Variants in LRRC69 observed in about 807,000 individuals in gnomAD.
LRRC69 encodes the protein leucine rich repeat containing 69.
Under a neutral mutation model 37.8 loss-of-function variants are expected in LRRC69, and 42 were observed. The ratio of observed to expected loss-of-function variants is 1.11; its 90% CI spans 0.87 to 1.44. The LOEUF (loss-of-function observed/expected upper bound fraction) is 1.44. Among genes scored for constraint, LRRC69 ranks in the 40% most tolerant of loss-of-function variants. The probability of loss-of-function intolerance (pLI) is 0.00; values close to 1 mark genes in which losing one functional copy is unlikely to be tolerated. For synonymous variants in LRRC69, 141 were observed against 143.1 expected (o/e 0.99, Z 0.11); for missense variants, 357 against 401.9 (o/e 0.89, Z 0.96).
chr8:91,210,376 A>T (rs1809886460), intron 7 of LRRC69, among the ~76,000 whole-genome samples: 1 of 152,192 alleles, frequency 6.6e-6, no homozygotes, highest in Non-Finnish European at 1.5e-5. Flanking sequence ...AAATAAATTT[A>T]TTGATTGATG....
chr8:91,208,058 A>T (rs1354894639), intron 7 of LRRC69, among the ~76,000 whole-genome samples: 1 of 152,122 alleles, frequency 6.6e-6, no homozygotes, highest in African/African-American at 2.4e-5. Flanking sequence ...TCCTCTTCTC[A>T]TAAGGATGTC....
At chr8:91,208,597 T>C (rs958699247) in intron 7 of LRRC69, among the ~76,000 whole-genome samples, 12 of 152,214 alleles carry the variant, frequency 7.9e-5, no homozygotes, top group African/African-American at 2.9e-4. Context: ...TACTGGAAAG[T>C]TTACCTAGTT....
chr8:91,176,213 C>A (rs1470518618), intron 5 of LRRC69, among the ~76,000 whole-genome samples: 1 of 149,368 alleles, frequency 6.7e-6, no homozygotes, highest in Non-Finnish European at 1.5e-5. Context: ...CAGTTCACTA[C>A]AACCTCCGCC....
At chr8:91,165,492 G>A (rs1179510674) in intron 5 of LRRC69, among the ~76,000 whole-genome samples, 3 of 151,790 alleles carry the variant, frequency 2.0e-5, no homozygotes, top group Admixed American at 2.0e-4. Context: ...CAAAAGTTTT[G>A]CTTCCTTTCT....
rs11407238 is a variant in LRRC69 at position 91,105,659 on chromosome 8, C to CAA, written c.183+2832_183+2833dup. On this transcript the variant is annotated intron_variant, in intron 1 of 7. Transcript: ENST00000448384. ...CCTGGGCTGCAGAGTGATTCTGTCT[C>CAA]AAAAAAAAAAAAAAAAAAGGAAAGG... Among the ~76,000 whole-genome samples, 899 of 110,050 alleles carry CAA rather than the reference C, an allele frequency of 8.2e-3. 19 individuals carry two copies. The highest frequency in any genetic ancestry group is 0.019 in the African/African-American group (567 of 29,682). The allele number at this position is 110,050 out of a possible 152,430, so 72.2% of individuals were successfully genotyped here. A position where few individuals can be genotyped will look rare whatever the true frequency, so the allele number is the denominator to read the frequency against.
At chr8:91,107,852 T>C (rs1813345514) in intron 1 of LRRC69, among the ~76,000 whole-genome samples, 1 of 152,062 alleles carries the variant, frequency 6.6e-6, no homozygotes, top group African/African-American at 2.4e-5. Context: ...TGTCAACAAT[T>C]TTCAGAGAAG....
chr8:91,114,455 G>GTGTGTA (rs142337818), intron 1 of LRRC69, among the ~76,000 whole-genome samples: 3 of 150,968 alleles, frequency 2.0e-5, no homozygotes, highest in Non-Finnish European at 4.4e-5. Context: ...GTGTGTGTGT[G>GTGTGTA]TATATATATA....
chr8:91,172,458 T>C (rs1809150105), intron 5 of LRRC69, among the ~76,000 whole-genome samples: 1 of 152,068 alleles, frequency 6.6e-6, no homozygotes, highest in Non-Finnish European at 1.5e-5. Context: ...ATAGTAATTA[T>C]ACTAATTATT....
chr8:91,103,187 A>G (rs1412988892), intron 1 of LRRC69, among the ~76,000 whole-genome samples: 2 of 152,136 alleles, frequency 1.3e-5, no homozygotes, highest in African/African-American at 4.8e-5. Context: ...ATCTGGAAGT[A>G]GTTTTGAGGA....
intron 6 of LRRC69, among the ~76,000 whole-genome samples, chr8:91,191,762 C>A (rs1027290694): frequency 5.9e-5 from 9 of 152,186 alleles, no homozygotes; most frequent in East Asian, 5.8e-4. Flanking sequence ...GGACAAGAAC[C>A]TTGTCTGTGA....
intron 7 of LRRC69, among the ~76,000 whole-genome samples, chr8:91,217,018 A>C (rs1810061118): frequency 6.6e-6 from 1 of 152,106 alleles, no homozygotes; most frequent in Admixed American, 6.6e-5. Flanking sequence ...TTATATTGTG[A>C]AATCTTGCTT....
At chr8:91,208,005 G>A (rs536072430) in intron 7 of LRRC69, among the ~76,000 whole-genome samples, 1 of 152,230 alleles carries the variant, frequency 6.6e-6, no homozygotes, top group South Asian at 2.1e-4. Flanking sequence ...TCTTTCCTGT[G>A]TCTTCACATG....
chr8:91,124,771 C>T, intron 2 of LRRC69, 152 bp downstream of exon 2: 1 of 606,464 alleles, frequency 1.6e-6, no homozygotes, highest in Non-Finnish European at 2.7e-6. Context: ...GAGGAGACAA[C>T]ACTTTTAAAA....
chr8:91,201,105 CAGA>C (rs778627578), intron 7 of LRRC69, among the ~76,000 whole-genome samples: 2 of 152,114 alleles, frequency 1.3e-5, no homozygotes, highest in Non-Finnish European at 2.9e-5. Context: ...AAATTCTTCT[CAGA>C]AGAAGAATTG....
chr8:91,120,085 A>C (rs1423497076), intron 1 of LRRC69, among the ~76,000 whole-genome samples: 1 of 151,950 alleles, frequency 6.6e-6, no homozygotes, highest in Non-Finnish European at 1.5e-5. Context: ...CTTCATAGCA[A>C]AAGTTCTTAC....
chr8:91,196,236 C>T (rs1466175840), intron 6 of LRRC69, among the ~76,000 whole-genome samples: 1 of 151,906 alleles, frequency 6.6e-6, no homozygotes, highest in Non-Finnish European at 1.5e-5. Flanking sequence ...ATGGGCTTCC[C>T]TTTGAGGGTA....
At chr8:91,203,915 C>A (rs550053274) in intron 7 of LRRC69, among the ~76,000 whole-genome samples, 1 of 150,058 alleles carries the variant, frequency 6.7e-6, no homozygotes, top group African/African-American at 2.5e-5. Context: ...GTCAGGAGAT[C>A]GAGACCATCC....
chr8:91,147,864 TG>T (rs1451733461), intron 5 of LRRC69, among the ~76,000 whole-genome samples: 1 of 151,636 alleles, frequency 6.6e-6, no homozygotes, highest in African/African-American at 2.4e-5. Context: ...TCTCCCCACC[TG>T]GCCCCCCCAA....
intron 1 of LRRC69, among the ~76,000 whole-genome samples, chr8:91,106,902 CCTA>C (rs1189379079): frequency 2.0e-5 from 3 of 151,736 alleles, no homozygotes; most frequent in African/African-American, 4.8e-5. Flanking sequence ...AAGTGATCCT[CCTA>C]CTTCAGCTTC....
Sources: allele counts gnomAD v4.1 joint callset (sites outside exome capture counted in the v4.1 genomes callset), GRCh38; gene constraint gnomAD v4.1.1; transcripts MANE v1.5; gene names NCBI Gene and HGNC (gene_info 2026-07-23, HGNC 2026-07-21).